Variants in RFX3 observed in about 807,000 individuals in gnomAD.
The protein encoded by RFX3 is regulatory factor X3.
In RFX3, 14 loss-of-function variants were observed where a neutral mutation model predicts 98.6. The ratio of observed to expected loss-of-function variants is 0.14; its 90% CI spans 0.09 to 0.22. RFX3 has a LOEUF of 0.22. RFX3 is among the 10% of genes least tolerant of loss of function. The pLI is 1.00. For synonymous variants in RFX3, 383 were observed against 328.4 expected (o/e 1.17, Z -1.80); for missense variants, 639 against 926.9 (o/e 0.69, Z 4.03).
rs1438762390 is a variant in RFX3, at chr9:3,220,075, G to A, written c.*4967C>T. The A allele has an allele frequency of 6.6e-6, 1 of 152,178 alleles. No homozygotes were observed. Among genetic ancestry groups the A allele is most frequent in the Non-Finnish European group, 1.5e-5 (1 of 68,046 alleles). The allele number at this position is 152,178 out of a possible 1,614,324, so 9.4% of individuals were successfully genotyped here. A position where few individuals can be genotyped will look rare whatever the true frequency, so the allele number is the denominator to read the frequency against. On this transcript the variant is annotated 3_prime_UTR_variant, in exon 17 of 17. Coordinates refer to ENST00000617270, the MANE Select transcript of RFX3 (RefSeq NM_001282116.2). ...AGTCATAGCATCTCCTGACAGATGA[G>A]CTTAAAATCAAGTGCTTTGCTCTCC... is the stretch of plus-strand genomic sequence containing the variant.
chr9:3,272,518 G>C (rs1037494700), intron 9 of RFX3, among the ~76,000 whole-genome samples: 3 of 152,148 alleles, frequency 2.0e-5, no homozygotes, highest in Non-Finnish European at 2.9e-5. Flanking sequence ...AATTTAGACA[G>C]TCCTCAGTAA....
chr9:3,410,946 G>A (rs1231047264), intron 1 of RFX3, among the ~76,000 whole-genome samples: 1 of 152,056 alleles, frequency 6.6e-6, no homozygotes. Flanking sequence ...ATTAAAGCAA[G>A]GTAGAAGCAA....
At position 3,301,035 on chromosome 9, in the gene RFX3, T is replaced by C. The variant is rs910498190; in HGVS notation, c.549+511A>G. Among the ~76,000 whole-genome samples the C allele has an allele frequency of 3.3e-5, 5 of 151,936 alleles. No homozygotes were observed. In the South Asian group the frequency reaches 1.0e-3, roughly 32 times the overall value. ...TTACTTCTCTTTAGGTCTTAGGACC[T>C]GAATTCAACTATGGGGTTGTTTACT... On this transcript the variant is annotated intron_variant, in intron 5 of 16. Transcript: ENST00000617270.
intron 1 of RFX3, among the ~76,000 whole-genome samples, chr9:3,438,472 G>GA (rs1389773892): frequency 2.0e-5 from 3 of 151,860 alleles, no homozygotes; most frequent in African/African-American, 2.4e-5. Context: ...AAAAGAAAAA[G>GA]AAAGAACAGA....
At chr9:3,409,941 T>A (rs1000150636) in intron 1 of RFX3, among the ~76,000 whole-genome samples, 3 of 152,062 alleles carry the variant, frequency 2.0e-5, no homozygotes, top group Non-Finnish European at 4.4e-5. Context: ...AAGCTCTTTC[T>A]AATAGGCTAT....
Position 3,366,690 on chromosome 9 carries a change from TTTCCTTTC to T in RFX3, c.118-19934_118-19927del, listed in dbSNP as rs1421597255. On this transcript the variant is annotated intron_variant, in intron 2 of 16. Coordinates refer to ENST00000617270, the MANE Select transcript of RFX3 (RefSeq NM_001282116.2). ...TCTCTTTCTCTTTCTTTCTTCTTTC[TTTCCTTTC>T]TTTCTTTCTTTCTTTCTTTCTTTCT... 2.7e-4 allele frequency among the ~76,000 whole-genome samples: 34 copies of T among 127,360 alleles called. 1 individual carries two copies. Among genetic ancestry groups the T allele is most frequent in the South Asian group, 7.8e-4 (3 of 3,836 alleles). 83.6% of individuals were successfully genotyped at this position (127,360 alleles called of 152,430 possible).
At chr9:3,331,623 T>C (rs899576385) in intron 3 of RFX3, among the ~76,000 whole-genome samples, 2 of 152,124 alleles carry the variant, frequency 1.3e-5, no homozygotes, top group African/African-American at 4.8e-5. Flanking sequence ...TTAGTTTCTA[T>C]GGCTCTCCTT....
intron 3 of RFX3, among the ~76,000 whole-genome samples, chr9:3,333,028 A>C (rs1399762529): frequency 1.3e-5 from 2 of 152,144 alleles, no homozygotes; most frequent in Admixed American, 1.3e-4. Context: ...CATAGCTCTC[A>C]ATGTGTTGTT....
At chr9:3,445,270 T>G (rs1845948597) in intron 1 of RFX3, among the ~76,000 whole-genome samples, 1 of 152,170 alleles carries the variant, frequency 6.6e-6, no homozygotes, top group South Asian at 2.1e-4. Context: ...GAAGGGAGCA[T>G]TTATAATGTT....
intron 1 of RFX3, among the ~76,000 whole-genome samples, chr9:3,404,558 T>C (rs1841788865): frequency 1.3e-5 from 2 of 152,130 alleles, no homozygotes; most frequent in Admixed American, 1.3e-4. Flanking sequence ...ATAATTCCTT[T>C]AAAATCTCCT....
intron 16 of RFX3, among the ~76,000 whole-genome samples, chr9:3,225,765 T>C (rs687511): frequency 0.8 from 121,778 of 152,094 alleles, 51,679 homozygotes; most frequent in East Asian, 0.97. Context: ...CTTAACATTA[T>C]TATTCCATGT....
chr9:3,300,786 A>C (rs925314741), intron 5 of RFX3, among the ~76,000 whole-genome samples: 4 of 151,956 alleles, frequency 2.6e-5, no homozygotes, highest in African/African-American at 9.7e-5. Flanking sequence ...TTAACAAAAC[A>C]AATTTTTATT....
chr9:3,475,772 G>T lies in RFX3; in HGVS notation c.-9+49975C>A, dbSNP rs1485982162. Among the ~76,000 whole-genome samples the T allele has an allele frequency of 2.0e-5, 3 of 152,222 alleles. No homozygotes were observed. The East Asian group carries it at 5.8e-4, about 29-fold the overall frequency. On this transcript the variant is annotated intron_variant, in intron 1 of 16. Transcript: ENST00000617270. ...TCACAGGGAGACAGTCAGGCCTCCA[G>T]ATAACTGTGGGCAGGCTTGACTGAT... is the stretch of plus-strand genomic sequence containing the variant.
chr9:3,452,796 A>G (rs1846780103), intron 1 of RFX3, among the ~76,000 whole-genome samples: 1 of 152,234 alleles, frequency 6.6e-6, no homozygotes, highest in South Asian at 2.1e-4. Context: ...ATTATTACAC[A>G]GGGAATACTA....
chr9:3,256,858 T>G (rs1822212081), intron 14 of RFX3, 133 bp downstream of exon 14: 2 of 778,414 alleles, frequency 2.6e-6, no homozygotes, highest in Non-Finnish European at 4.2e-6. Flanking sequence ...TGAAGGTAGT[T>G]GTAACAGGGA....
intron 1 of RFX3, among the ~76,000 whole-genome samples, chr9:3,499,700 T>C (rs1367701060): frequency 1.3e-5 from 2 of 152,100 alleles, no homozygotes; most frequent in African/African-American, 2.4e-5. Context: ...TAAATAAGCC[T>C]TTTTCATAAG....
At chr9:3,374,091 C>T (rs565095347) in intron 2 of RFX3, among the ~76,000 whole-genome samples, 38 of 144,070 alleles carry the variant, frequency 2.6e-4, no homozygotes, top group African/African-American at 4.8e-4. Flanking sequence ...CACACACGCG[C>T]GCACACACAC....
intron 1 of RFX3, among the ~76,000 whole-genome samples, chr9:3,472,248 C>G (rs1397756435): frequency 1.3e-5 from 2 of 152,210 alleles, no homozygotes; most frequent in East Asian, 3.9e-4. Context: ...AGGTGTAAAG[C>G]AGTATTTAAA....
chr9:3,324,622 TATATTCTGCTTGA>T (rs1587070356), intron 4 of RFX3, among the ~76,000 whole-genome samples: 1 of 151,224 alleles, frequency 6.6e-6, no homozygotes, highest in African/African-American at 2.4e-5. Context: ...TGAAAAAATA[TATATTCTGCTTGA>T]ATATTCTGCT....
Sources: allele counts gnomAD v4.1 joint callset (sites outside exome capture counted in the v4.1 genomes callset), GRCh38; gene constraint gnomAD v4.1.1; transcripts MANE v1.5; gene names NCBI Gene and HGNC (gene_info 2026-07-23, HGNC 2026-07-21).